The following CCNY variants were observed in gnomAD, a reference collection of about 807,000 sequenced individuals.
The protein encoded by CCNY is cyclin-Y.
Under a neutral mutation model 42.8 loss-of-function variants are expected in CCNY, and 19 were observed. The observed-to-expected ratio is 0.44, with a 90% CI of 0.31 to 0.65. The LOEUF is 0.65. Among genes scored for constraint, CCNY ranks in the 30% least tolerant of loss-of-function variants. The pLI is 0.07. For synonymous variants in CCNY, 165 were observed against 162.7 expected (o/e 1.01, Z -0.11); for missense variants, 370 against 437.3 (o/e 0.85, Z 1.37).
At chr10:35,451,435 C>A (rs527833969) in intron 1 of CCNY, among the ~76,000 whole-genome samples, 1 of 152,144 alleles carries the variant, frequency 6.6e-6, no homozygotes, top group South Asian at 2.1e-4. Flanking sequence ...TTTTCCATGT[C>A]GTCTTAAAAT....
At chr10:35,258,761 C>A (rs953966897) in intron 3 of CCNY, among the ~76,000 whole-genome samples, 4 of 151,964 alleles carry the variant, frequency 2.6e-5, no homozygotes, top group African/African-American at 9.7e-5. Flanking sequence ...CAGAGTGAAA[C>A]CCTGTCTCTA....
At chr10:35,519,054 T>C (rs111703575) in intron 4 of CCNY, among the ~76,000 whole-genome samples, 121 of 131,748 alleles carry the variant, frequency 9.2e-4, no homozygotes, top group Non-Finnish European at 1.2e-3. Flanking sequence ...CTGAGGTATA[T>C]TGTGAGTATC....
At chr10:35,519,568 C>A (rs1034229244) in intron 4 of CCNY, among the ~76,000 whole-genome samples, 4 of 151,982 alleles carry the variant, frequency 2.6e-5, no homozygotes, top group Non-Finnish European at 5.9e-5. Context: ...TCCCCTCCCC[C>A]ACCAATGTCC....
intron 1 of CCNY, among the ~76,000 whole-genome samples, chr10:35,431,559 A>G (rs1838411496): frequency 6.7e-6 from 1 of 150,172 alleles, no homozygotes; most frequent in Non-Finnish European, 1.5e-5. Flanking sequence ...CATTGCTCTA[A>G]CCTTTGAATT....
At chr10:35,511,871 G>C (rs532459639) in intron 3 of CCNY, among the ~76,000 whole-genome samples, 12 of 152,282 alleles carry the variant, frequency 7.9e-5, no homozygotes, top group Non-Finnish European at 1.6e-4. Context: ...GAGTTGACTC[G>C]TGTGTCTCTC....
chr10:35,483,505 TG>T, intron 2 of CCNY, 27 bp downstream of exon 2: 1 of 1,450,900 alleles, frequency 6.9e-7, no homozygotes, highest in Non-Finnish European at 9.6e-7. Context: ...TGTTTCTTTT[TG>T]TAAAAAAGGC....
chr10:35,492,693 A>AGG (rs1425129597), intron 2 of CCNY, among the ~76,000 whole-genome samples: 2 of 152,270 alleles, frequency 1.3e-5, no homozygotes, highest in African/African-American at 4.8e-5. Context: ...TCACAAGCAT[A>AGG]GGGGAATGAA....
intron 1 of CCNY, among the ~76,000 whole-genome samples, chr10:35,476,929 A>G (rs1839525637): frequency 6.6e-6 from 1 of 152,182 alleles, no homozygotes; most frequent in Non-Finnish European, 1.5e-5. Flanking sequence ...AATCAAATAG[A>G]TGCAATAAAA....
chr10:35,477,087 G>A (rs1025203499), intron 1 of CCNY, among the ~76,000 whole-genome samples: 25 of 152,134 alleles, frequency 1.6e-4, no homozygotes, highest in African/African-American at 6.0e-4. Flanking sequence ...ACTAAACCAG[G>A]AAGAAGTTGA....
chr10:35,561,762 G>T (rs577642226), intron 8 of CCNY, among the ~76,000 whole-genome samples: 14 of 152,312 alleles, frequency 9.2e-5, no homozygotes, highest in Middle Eastern at 3.4e-3. Context: ...TGTACCTTTG[G>T]ACAGAGGGGT....
intron 1 of CCNY, among the ~76,000 whole-genome samples, chr10:35,387,830 C>T (rs1462551761): frequency 6.6e-6 from 1 of 152,176 alleles, no homozygotes; most frequent in Non-Finnish European, 1.5e-5. Context: ...AGTCACAGAT[C>T]TTTGGTGGAT....
chr10:35,377,130 G>A (rs1048861049), intron 1 of CCNY, among the ~76,000 whole-genome samples: 8 of 152,108 alleles, frequency 5.3e-5, no homozygotes, highest in Non-Finnish European at 1.0e-4. Flanking sequence ...GAGTGTTGCC[G>A]TAATGTCATA....
At chr10:35,353,856 TTAAAA>T (rs1836481905) in intron 1 of CCNY, among the ~76,000 whole-genome samples, 1 of 152,250 alleles carries the variant, frequency 6.6e-6, no homozygotes, top group Admixed American at 6.5e-5. Context: ...ATTTAGTAAC[TTAAAA>T]TAACAACATT....
Position 35,376,907 on chromosome 10 carries a change from G to A in CCNY, c.154+39700G>A, listed in dbSNP as rs532106104. On this transcript the variant is annotated intron_variant, in intron 1 of 9. Coordinates refer to ENST00000374704, the MANE Select transcript of CCNY (RefSeq NM_145012.6). ...CCAGAGATGGGGGGAGAAGAGGATG[G>A]GAGTGACTGCTAAAGGGTTTGGGGT... 2.6e-5 allele frequency among the ~76,000 whole-genome samples: 4 copies of A among 152,302 alleles called. No individual in the cohort carries two copies. The East Asian group carries it at 7.7e-4, about 29-fold the overall frequency.
chr10:35,518,199 G>A (rs937994431), intron 4 of CCNY, among the ~76,000 whole-genome samples: 1 of 152,180 alleles, frequency 6.6e-6, no homozygotes, highest in African/African-American at 2.4e-5. Flanking sequence ...AGAACTGTGT[G>A]ACAATTTGAT....
chr10:35,416,312 T>C (rs1040514646), intron 1 of CCNY, among the ~76,000 whole-genome samples: 2 of 152,066 alleles, frequency 1.3e-5, no homozygotes, highest in Non-Finnish European at 2.9e-5. Flanking sequence ...TTATTTAAAG[T>C]GGAGGGCCAT....
At chr10:35,464,739 G>A (rs998714672) in intron 1 of CCNY, among the ~76,000 whole-genome samples, 4 of 152,238 alleles carry the variant, frequency 2.6e-5, no homozygotes, top group Middle Eastern at 6.8e-3. Flanking sequence ...AACCCTGGGG[G>A]CCACAGGGCC....
chr10:35,527,543 TAAAG>T (rs540912701), intron 5 of CCNY, among the ~76,000 whole-genome samples: 258 of 152,274 alleles, frequency 1.7e-3, no homozygotes, highest in Admixed American at 3.4e-3. Context: ...ATTTTACAGA[TAAAG>T]AAATTGAGGC....
At chr10:35,258,884 C>T (rs539276091) in intron 3 of CCNY, among the ~76,000 whole-genome samples, 9 of 150,124 alleles carry the variant, frequency 6.0e-5, no homozygotes, top group South Asian at 4.2e-4. Flanking sequence ...TGCAGTGAGC[C>T]GAGATCGAGC....
Sources: allele counts gnomAD v4.1 joint callset (sites outside exome capture counted in the v4.1 genomes callset), GRCh38; gene constraint gnomAD v4.1.1; transcripts MANE v1.5; gene names NCBI Gene and HGNC (gene_info 2026-07-23, HGNC 2026-07-21).